Variants in ST8SIA4 observed in about 807,000 individuals in gnomAD.
ST8SIA4 encodes the protein ST8 alpha-N-acetyl-neuraminide alpha-2,8-sialyltransferase 4.
Under a neutral mutation model 33.9 loss-of-function variants are expected in ST8SIA4, and 15 were observed. That is an observed-to-expected ratio of 0.44 (90% CI 0.30 to 0.68). The LOEUF (loss-of-function observed/expected upper bound fraction) is 0.68, where lower values mean the gene tolerates loss of function less well. ST8SIA4 is among the 30% of genes least tolerant of loss of function. The pLI is 0.10. For synonymous variants in ST8SIA4, 171 were observed against 151.2 expected (o/e 1.13, Z -0.96); for missense variants, 321 against 428.0 (o/e 0.75, Z 2.21).
chr5:100,833,281 C>T (rs1015685605), intron 4 of ST8SIA4, among the ~76,000 whole-genome samples: 1 of 152,052 alleles, frequency 6.6e-6, no homozygotes, highest in Non-Finnish European at 1.5e-5. Flanking sequence ...AATTCCTAGC[C>T]TTCTTGCTGA....
intron 3 of ST8SIA4, among the ~76,000 whole-genome samples, chr5:100,871,501 T>G (rs570216431): frequency 3.8e-4 from 58 of 152,240 alleles, no homozygotes; most frequent in African/African-American, 1.3e-3. Context: ...TATTGCTTTG[T>G]TTTTTATATC....
At chr5:100,849,776 C>T (rs1020036299) in intron 4 of ST8SIA4, among the ~76,000 whole-genome samples, 1 of 152,102 alleles carries the variant, frequency 6.6e-6, no homozygotes, top group African/African-American at 2.4e-5. Flanking sequence ...GCCTGTGCGT[C>T]AGAGCGAGAC....
intron 4 of ST8SIA4, among the ~76,000 whole-genome samples, chr5:100,822,972 A>G (rs1307668392): frequency 2.6e-5 from 4 of 152,112 alleles, no homozygotes; most frequent in African/African-American, 9.7e-5. Flanking sequence ...TCTACTAAAA[A>G]TACAAAAAAG....
intron 2 of ST8SIA4, chr5:100,890,675 C>T (rs1752642511): frequency 1.3e-5 from 2 of 151,852 alleles, no homozygotes; most frequent in Admixed American, 1.3e-4. Context: ...AAAAAAGACC[C>T]TTCACAGGTC....
At chr5:100,817,517 C>T (rs1043957199) in intron 4 of ST8SIA4, among the ~76,000 whole-genome samples, 3 of 152,050 alleles carry the variant, frequency 2.0e-5, no homozygotes, top group Non-Finnish European at 4.4e-5. Flanking sequence ...AGCAGTCATC[C>T]GTGGACATAT....
intron 4 of ST8SIA4, among the ~76,000 whole-genome samples, chr5:100,823,610 G>A (rs1392699264): frequency 6.6e-6 from 1 of 152,168 alleles, no homozygotes; most frequent in Non-Finnish European, 1.5e-5. Context: ...TAACGAACTA[G>A]TGCCTGAATT....
intron 3 of ST8SIA4, among the ~76,000 whole-genome samples, chr5:100,870,974 T>C (rs760132116): frequency 5.3e-5 from 8 of 152,110 alleles, no homozygotes; most frequent in Non-Finnish European, 1.2e-4. Context: ...TTACTATTCC[T>C]AAACTATAAG....
At position 100,825,498 on chromosome 5, in the gene ST8SIA4, A is replaced by C. The variant is rs1751121902; in HGVS notation, c.798-13369T>G. Among the ~76,000 whole-genome samples the C allele has an allele frequency of 2.0e-5, 3 of 152,192 alleles. No individual in the cohort carries two copies. The South Asian group carries it at 6.2e-4, about 31-fold the overall frequency. ...TAGCATATGAAGTTTTCAAATTTGC[A>C]AGTGTTCAATAATTAAGATTTATTC... is the stretch of plus-strand genomic sequence containing the variant. On this transcript the variant is annotated intron_variant, in intron 4 of 4. Transcript: ENST00000231461.
At chr5:100,885,457 CA>C (rs1752515370) in intron 3 of ST8SIA4, 2 of 933,550 alleles carry the variant, frequency 2.1e-6, no homozygotes, top group South Asian at 9.8e-5. Flanking sequence ...AAAAAATATT[CA>C]AAATATTCAA....
At chr5:100,870,164 A>G (rs1752166267) in intron 3 of ST8SIA4, among the ~76,000 whole-genome samples, 1 of 152,200 alleles carries the variant, frequency 6.6e-6, no homozygotes, top group South Asian at 2.1e-4. Flanking sequence ...TGTCCCTACA[A>G]AGGACAGGAA....
At chr5:100,869,782 G>A (rs1325930491) in intron 3 of ST8SIA4, among the ~76,000 whole-genome samples, 2 of 152,062 alleles carry the variant, frequency 1.3e-5, no homozygotes, top group Non-Finnish European at 2.9e-5. Flanking sequence ...AGCATATCTT[G>A]GCTTTTCCCC....
At chr5:100,843,617 C>G (rs958976947) in intron 4 of ST8SIA4, among the ~76,000 whole-genome samples, 2 of 151,822 alleles carry the variant, frequency 1.3e-5, no homozygotes, top group African/African-American at 4.8e-5. Context: ...ATAAAAAAAG[C>G]AGCAGGCATT....
At chr5:100,827,091 T>C (rs1340927352) in intron 4 of ST8SIA4, among the ~76,000 whole-genome samples, 6 of 151,994 alleles carry the variant, frequency 3.9e-5, no homozygotes, top group Non-Finnish European at 5.9e-5. Flanking sequence ...ACTTATAAAA[T>C]CACTAATTAT....
intron 3 of ST8SIA4, among the ~76,000 whole-genome samples, chr5:100,880,604 A>G (rs1194064563): frequency 6.6e-6 from 1 of 152,066 alleles, no homozygotes; most frequent in African/African-American, 2.4e-5. Flanking sequence ...ATGAAGAGAG[A>G]CTTTGGCTTT....
At chr5:100,901,806 G>A (rs1298456844) in intron 1 of ST8SIA4, among the ~76,000 whole-genome samples, 8 of 152,300 alleles carry the variant, frequency 5.3e-5, no homozygotes, top group South Asian at 4.1e-4. Flanking sequence ...GAAATGGAGT[G>A]CAGGAAGTTT....
chr5:100,830,631 G>A (rs1751238148), intron 4 of ST8SIA4, among the ~76,000 whole-genome samples: 2 of 152,042 alleles, frequency 1.3e-5, no homozygotes. Flanking sequence ...ATTTCTGGAT[G>A]GTAATATATT....
chr5:100,893,974 C>A (rs549370736), intron 2 of ST8SIA4, among the ~76,000 whole-genome samples: 1 of 152,132 alleles, frequency 6.6e-6, no homozygotes, highest in South Asian at 2.1e-4. Flanking sequence ...TTACTCCATT[C>A]TAAACCAAAG....
At chr5:100,816,585 A>G (rs746846066) in intron 4 of ST8SIA4, 2 of 504,272 alleles carry the variant, frequency 4.0e-6, no homozygotes, top group Non-Finnish European at 7.9e-6. Flanking sequence ...TTTTTCTCTT[A>G]AAATGTTATT....
chr5:100,890,529 A>C (rs1439807213), intron 2 of ST8SIA4: 1 of 151,920 alleles, frequency 6.6e-6, no homozygotes, highest in Non-Finnish European at 1.5e-5. Flanking sequence ...CTATCTAGAG[A>C]CACATGAATC....
Sources: allele counts gnomAD v4.1 joint callset (sites outside exome capture counted in the v4.1 genomes callset), GRCh38; gene constraint gnomAD v4.1.1; transcripts MANE v1.5; gene names NCBI Gene and HGNC (gene_info 2026-07-23, HGNC 2026-07-21).